The following ARSG variants were observed in gnomAD, a reference collection of about 807,000 sequenced individuals.
The protein encoded by ARSG is ASG.
ARSG carries 37 observed loss-of-function variants against 50.5 expected under a neutral mutation model. That is an observed-to-expected ratio of 0.73 (90% CI 0.56 to 0.96). The LOEUF is 0.96. Among genes scored for constraint, ARSG ranks in the 50% least tolerant of loss-of-function variants. ARSG has a pLI of 0.00. For missense variants in ARSG, 629 were observed against 675.3 expected (o/e 0.93, Z 0.76); for synonymous variants, 225 against 254.6 (o/e 0.88, Z 1.11).
chr17:68,262,986 AGTT>A (rs1215335466), intron 1 of ARSG, among the ~76,000 whole-genome samples: 5 of 152,172 alleles, frequency 3.3e-5, no homozygotes, highest in African/African-American at 9.7e-5. Context: ...AGGGTGTATA[AGTT>A]GTTAGGGAAG....
chr17:68,334,947 G>A (rs1235041968), intron 2 of ARSG, among the ~76,000 whole-genome samples: 1 of 152,170 alleles, frequency 6.6e-6, no homozygotes, highest in Non-Finnish European at 1.5e-5. Flanking sequence ...AGGGGACATA[G>A]ACCCCACCTC....
At chr17:68,369,576 A>G (rs965078087) in intron 7 of ARSG, among the ~76,000 whole-genome samples, 8 of 151,830 alleles carry the variant, frequency 5.3e-5, no homozygotes, top group Non-Finnish European at 1.2e-4. Flanking sequence ...TCAAGTAGAG[A>G]CTTATACTCT....
chr17:68,414,862 G>GATGTCTGTTGTA (rs1222954142), intron 11 of ARSG, among the ~76,000 whole-genome samples: 5 of 152,060 alleles, frequency 3.3e-5, no homozygotes, highest in Non-Finnish European at 7.4e-5. Context: ...GTATTTTTGT[G>GATGTCTGTTGTA]ATGTCTGTTG....
chr17:68,363,747 G>A (rs1233184334), intron 6 of ARSG, among the ~76,000 whole-genome samples: 5 of 152,022 alleles, frequency 3.3e-5, no homozygotes, highest in Non-Finnish European at 5.9e-5. Flanking sequence ...GATTACAGGC[G>A]TGAGCCATCG....
intron 1 of ARSG, among the ~76,000 whole-genome samples, chr17:68,292,060 G>A (rs1370758989): frequency 1.3e-5 from 2 of 152,072 alleles, no homozygotes; most frequent in Admixed American, 6.5e-5. Context: ...TTCCCCTTCC[G>A]GCAGTGGGGA....
intron 1 of ARSG, chr17:68,273,819 A>G: frequency 7.3e-7 from 1 of 1,372,656 alleles, no homozygotes; most frequent in Non-Finnish European, 1.0e-6. Flanking sequence ...ATGTTAAAGA[A>G]AAAAAGAAAG....
the ARSG span, among the ~76,000 whole-genome samples, chr17:68,437,036 G>A: frequency 1.2e-4 from 14 of 118,796 alleles, no homozygotes; most frequent in East Asian, 1.1e-3. Context: ...GTGTGTGTGT[G>A]TATATATTGC....
At chr17:68,409,806 A>G (rs968100505) in intron 11 of ARSG, among the ~76,000 whole-genome samples, 2 of 151,436 alleles carry the variant, frequency 1.3e-5, no homozygotes, top group Non-Finnish European at 2.9e-5. Context: ...CTTGAGCAGC[A>G]GTTTGTAGTT....
chr17:68,376,277 AT>A lies in ARSG; in HGVS notation c.982+5768del, dbSNP rs386386490. Among the ~76,000 whole-genome samples the A allele has an allele frequency of 5.9e-3, 738 of 125,018 alleles. 11 individuals carry two copies. The highest frequency in any genetic ancestry group is 0.036 in the East Asian group (150 of 4,196). The allele number at this position is 125,018 out of a possible 152,430, so 82.0% of individuals were successfully genotyped here. On this transcript the variant is annotated intron_variant, in intron 8 of 11. Transcript: ENST00000621439. ...AGGAGTGTGCCACTGCGCCCCCTGC[AT>A]TTTTTTTTTTTTTTCTGAGATAGGG...
At chr17:68,365,138 C>T (rs1189308496) in intron 6 of ARSG, among the ~76,000 whole-genome samples, 1 of 152,152 alleles carries the variant, frequency 6.6e-6, no homozygotes, top group Non-Finnish European at 1.5e-5. Context: ...GGCAAAACCT[C>T]ATCTCTACTA....
chr17:68,407,812 T>C (rs1249772019), intron 11 of ARSG, among the ~76,000 whole-genome samples: 1 of 152,112 alleles, frequency 6.6e-6, no homozygotes, highest in Non-Finnish European at 1.5e-5. Flanking sequence ...CAGTGAGAGT[T>C]TGACTTCCTC....
At chr17:68,401,974 A>G (rs2081491874) in intron 11 of ARSG, among the ~76,000 whole-genome samples, 1 of 152,140 alleles carries the variant, frequency 6.6e-6, no homozygotes, top group African/African-American at 2.4e-5. Context: ...CTTGCTGCCA[A>G]TTGAATTCAG....
chr17:68,278,617 CTTTTTTT>C lies in ARSG; in HGVS notation c.-552+19205_-552+19211del, dbSNP rs56870988. Among the ~76,000 whole-genome samples, 35 of 111,980 alleles carry C rather than the reference CTTTTTTT, an allele frequency of 3.1e-4. 1 individual carries two copies. Among genetic ancestry groups the C allele is most frequent in the Non-Finnish European group, 5.2e-4 (30 of 57,304 alleles). 73.5% of individuals were successfully genotyped at this position (111,980 alleles called of 152,430 possible). On this transcript the variant is annotated intron_variant, in intron 1 of 11. Coordinates refer to the ARSG transcript ENST00000448504. The stretch of plus-strand genomic sequence containing the variant: ...AGCCAGCTAATGTTTTTTCTTTTTC[CTTTTTTT>C]TTTTTTTTTTTTTGAGACAGAGTCT...
At chr17:68,339,338 A>G (rs1178630991) in intron 2 of ARSG, among the ~76,000 whole-genome samples, 28 of 152,192 alleles carry the variant, frequency 1.8e-4, no homozygotes, top group Admixed American at 1.7e-3. Flanking sequence ...TAAAAAAATA[A>G]AAAAGAGGAA....
chr17:68,318,121 G>A (rs1302703014), intron 2 of ARSG, among the ~76,000 whole-genome samples: 1 of 150,728 alleles, frequency 6.6e-6, no homozygotes, highest in Non-Finnish European at 1.5e-5. Flanking sequence ...AAAAAATCAA[G>A]TAAAACAGGA....
chr17:68,332,312 C>G (rs910440254), intron 2 of ARSG, among the ~76,000 whole-genome samples: 22 of 152,192 alleles, frequency 1.4e-4, no homozygotes, highest in African/African-American at 5.3e-4. Flanking sequence ...GGCAGCCAGA[C>G]TTTAAGGTTA....
the ARSG span, among the ~76,000 whole-genome samples, chr17:68,447,694 A>T: frequency 6.6e-6 from 1 of 152,242 alleles, no homozygotes; most frequent in East Asian, 1.9e-4. Flanking sequence ...CTATATACTT[A>T]GAAAAAAGGG....
At chr17:68,342,341 C>CAT (rs1437665098) in intron 2 of ARSG, among the ~76,000 whole-genome samples, 1 of 148,178 alleles carries the variant, frequency 6.7e-6, no homozygotes, top group Admixed American at 6.7e-5. Flanking sequence ...TATATATATA[C>CAT]ATATATATAT....
chr17:68,350,985 G>T (rs74435324), intron 4 of ARSG, among the ~76,000 whole-genome samples: 3,480 of 152,102 alleles, frequency 0.023, 54 homozygotes, highest in Middle Eastern at 0.037. Context: ...CCAGCTGAAA[G>T]GCAGTATCTT....
Sources: allele counts gnomAD v4.1 joint callset (sites outside exome capture counted in the v4.1 genomes callset), GRCh38; gene constraint gnomAD v4.1.1; transcripts MANE v1.5; gene names NCBI Gene and HGNC (gene_info 2026-07-23, HGNC 2026-07-21).